The following PKHD1 variants were observed in gnomAD, a reference collection of about 807,000 sequenced individuals.
PKHD1 encodes PKHD1 ciliary IPT domain containing fibrocystin/polyductin.
Under a neutral mutation model 412.0 loss-of-function variants are expected in PKHD1, and 291 were observed. The observed-to-expected ratio is 0.71, with a 90% CI of 0.64 to 0.78. The LOEUF (loss-of-function observed/expected upper bound fraction) is 0.78. Among genes scored for constraint, PKHD1 ranks in the 30% least tolerant of loss-of-function variants. The probability of loss-of-function intolerance (pLI) is 0.00; values close to 1 mark genes in which losing one functional copy is unlikely to be tolerated. For synonymous variants in PKHD1, 1,777 were observed against 1,821.5 expected (o/e 0.98, Z 0.62); for missense variants, 4,825 against 4,950.7 (o/e 0.97, Z 0.76).
intron 35 of PKHD1, among the ~76,000 whole-genome samples, chr6:52,008,766 T>G (rs988484444): frequency 6.6e-6 from 1 of 152,088 alleles, no homozygotes; most frequent in African/African-American, 2.4e-5. Flanking sequence ...TTGACCCTAC[T>G]TTACAGATGA....
chr6:51,912,592 G>A lies in PKHD1; in HGVS notation c.6122-16C>T, dbSNP rs1378515181. On this transcript the variant is annotated splice_polypyrimidine_tract_variant and intron_variant, in intron 37 of 66. Transcript: ENST00000371117. ...GGTAGTGAACCTAAAGCAGCCCGAG[G>A]AAAAGTTGTCCAGATAATTTAATCA... is the stretch of plus-strand genomic sequence containing the variant. The A allele has an allele frequency of 2.6e-6, 4 of 1,552,916 alleles. No homozygotes were observed. The highest frequency in any genetic ancestry group is 1.1e-5 in the South Asian group (1 of 89,744).
chr6:51,681,544 T>C (rs1776662782), intron 60 of PKHD1, among the ~76,000 whole-genome samples: 1 of 151,820 alleles, frequency 6.6e-6, no homozygotes, highest in Admixed American at 6.6e-5. Flanking sequence ...TGCTCAGCTA[T>C]TTCTTCATTG....
At chr6:51,896,325 G>A (rs1211051423) in intron 43 of PKHD1, among the ~76,000 whole-genome samples, 9 of 152,008 alleles carry the variant, frequency 5.9e-5, no homozygotes, top group African/African-American at 1.2e-4. Context: ...CTGAGAACGG[G>A]CAGACTGCCT....
intron 64 of PKHD1, among the ~76,000 whole-genome samples, chr6:51,635,413 C>A (rs2150314090): frequency 6.6e-6 from 1 of 152,246 alleles, no homozygotes; most frequent in Non-Finnish European, 1.5e-5. Flanking sequence ...TTTAAAACTG[C>A]AATCTTAAAA....
intron 53 of PKHD1, among the ~76,000 whole-genome samples, chr6:51,785,236 T>C (rs1792674231): frequency 6.6e-6 from 1 of 152,150 alleles, no homozygotes; most frequent in South Asian, 2.1e-4. Context: ...ATTTTCTCCT[T>C]AGTATCGATC....
intron 65 of PKHD1, among the ~76,000 whole-genome samples, chr6:51,629,614 G>C (rs1404015497): frequency 6.6e-6 from 1 of 151,728 alleles, no homozygotes; most frequent in Non-Finnish European, 1.5e-5. Flanking sequence ...AAAAACAAAA[G>C]CCAATTTTAC....
chr6:52,063,587 C>T (rs745453438), intron 13 of PKHD1, among the ~76,000 whole-genome samples: 10 of 152,144 alleles, frequency 6.6e-5, no homozygotes, highest in Non-Finnish European at 1.0e-4. Context: ...TTACTTTAAA[C>T]CAGGGTTTCT....
At chr6:52,053,961 G>A (rs987839884) in intron 20 of PKHD1, 77 bp downstream of exon 20, 6 of 1,441,612 alleles carry the variant, frequency 4.2e-6, no homozygotes, top group African/African-American at 1.4e-5. Flanking sequence ...TAGTGCCTGA[G>A]GTGGGTAACT....
In PKHD1 at chr6:52,026,054, C is replaced by T. The variant is rs9689306; in HGVS notation, c.3756G>A (p.Leu1252=). The T allele has an allele frequency of 1.2e-6, 2 of 1,614,096 alleles. No homozygotes were observed. Among genetic ancestry groups the T allele is most frequent in the Non-Finnish European group, 1.7e-6 (2 of 1,180,018 alleles). The change falls in exon 32 of 67, where the codon CTG becomes CTA. Residue 1252 remains leucine (L), a synonymous_variant. Transcript: ENST00000371117. ...LTEASIWCET[L]PAPQIPDAGA... is the part of the protein sequence containing the mutation. The stretch of plus-strand genomic sequence containing the variant: ...CCGCATCGGGTATCTGGGGGGCTGG[C>T]AGGGTTTCACACCAGATGCTCGCCT...
intron 40 of PKHD1, among the ~76,000 whole-genome samples, chr6:51,907,232 A>C (rs1782242455): frequency 6.6e-6 from 1 of 152,306 alleles, no homozygotes; most frequent in Admixed American, 6.5e-5. Context: ...ACAGATGCCA[A>C]GTGCTGGGAT....
chr6:51,973,050 A>G (rs1381348287), intron 35 of PKHD1, among the ~76,000 whole-genome samples: 1 of 152,242 alleles, frequency 6.6e-6, no homozygotes, highest in East Asian at 1.9e-4. Flanking sequence ...TATGGGAAGA[A>G]GCAGAAAGCA....
In PKHD1 at chr6:51,905,046, A is replaced by G. The variant is rs116869057; in HGVS notation, c.6809-1004T>C. ...TCTGATTCACATTTTCTCACTAGAC[A>G]GTTTCCATCTCAGGATAGAACTTTT... is the stretch of plus-strand genomic sequence containing the variant. On this transcript the variant is annotated intron_variant, in intron 41 of 66. Transcript: ENST00000371117. Among the ~76,000 whole-genome samples the G allele has an allele frequency of 2.7e-3, 404 of 152,318 alleles. 8 individuals carry two copies. The East Asian group carries it at 0.062, about 23-fold the overall frequency.
rs369647343 is a variant in PKHD1, at chr6:51,668,134, T to G, written c.10157-8165A>C. ...GGCACTGAATCTGTAAATTACCTTG[T>G]GCAGTATGGCCATTTTCACGATATT... On this transcript the variant is annotated intron_variant, in intron 60 of 66. Transcript: ENST00000371117. 6.6e-3 allele frequency among the ~76,000 whole-genome samples: 1,008 copies of G among 152,204 alleles called. 2 individuals carry two copies. Among genetic ancestry groups the G allele is most frequent in the Non-Finnish European group, 9.1e-3 (616 of 67,994 alleles).
intron 55 of PKHD1, among the ~76,000 whole-genome samples, chr6:51,765,747 C>T (rs1788883414): frequency 6.6e-6 from 1 of 152,144 alleles, no homozygotes; most frequent in South Asian, 2.1e-4. Context: ...CAACTAAGAT[C>T]TGAGCTCCCA....
At chr6:51,734,711 G>GA (rs1000813252) in intron 60 of PKHD1, among the ~76,000 whole-genome samples, 90 of 145,100 alleles carry the variant, frequency 6.2e-4, no homozygotes, top group South Asian at 3.1e-3. Context: ...ATATGTGGAG[G>GA]AAAAAAAAAA....
intron 35 of PKHD1, chr6:51,975,952 C>A (rs1794351886): frequency 7.6e-6 from 1 of 130,962 alleles, no homozygotes; most frequent in Non-Finnish European, 1.6e-5. Flanking sequence ...TAGCGAGACC[C>A]TTTCTCTAAT....
chr6:51,821,490 G>A (rs1167640307), intron 52 of PKHD1, among the ~76,000 whole-genome samples: 3 of 152,096 alleles, frequency 2.0e-5, no homozygotes, highest in East Asian at 1.9e-4. Flanking sequence ...TGCCACTGTC[G>A]GTATTCCAGA....
intron 11 of PKHD1, among the ~76,000 whole-genome samples, chr6:52,068,240 A>T (rs1810047402): frequency 6.6e-6 from 1 of 152,138 alleles, no homozygotes; most frequent in African/African-American, 2.4e-5. Flanking sequence ...GCCCCTGAGG[A>T]GCTCAGCCCA....
chr6:52,046,293 T>C (rs1282813737), intron 23 of PKHD1, 105 bp from the exon 24 acceptor site: 1 of 893,492 alleles, frequency 1.1e-6, no homozygotes, highest in Non-Finnish European at 1.9e-6. Context: ...GCCTATCAAA[T>C]TTTCAGGAGA....
Sources: gnomAD v4.1 joint callset for allele counts (sites outside exome capture counted in the v4.1 genomes callset) on GRCh38, gnomAD v4.1.1 for gene constraint, MANE v1.5 for transcripts, NCBI Gene and HGNC (gene_info 2026-07-23, HGNC 2026-07-21) for gene names.